Variants in SLC22A23 observed in about 807,000 individuals in gnomAD.
The protein encoded by SLC22A23 is ion transporter protein.
Under a neutral mutation model 61.0 loss-of-function variants are expected in SLC22A23, and 26 were observed. The ratio of observed to expected loss-of-function variants is 0.43; its 90% CI spans 0.31 to 0.59. The LOEUF (loss-of-function observed/expected upper bound fraction) is 0.59, where lower values mean the gene tolerates loss of function less well. Among genes scored for constraint, SLC22A23 ranks in the 20% least tolerant of loss-of-function variants. The probability of loss-of-function intolerance (pLI) is 0.11; values close to 1 mark genes in which losing one functional copy is unlikely to be tolerated. For missense variants in SLC22A23, 796 were observed against 934.7 expected, an observed-to-expected ratio of 0.85 and a Z score of 1.94; for synonymous variants, 430 against 413.9, an observed-to-expected ratio of 1.04 and a Z score of -0.47.
chr6:3,428,248 C>T (rs749481923), intron 1 of SLC22A23, among the ~76,000 whole-genome samples: 5 of 152,218 alleles, frequency 3.3e-5, no homozygotes, highest in Admixed American at 1.3e-4. Flanking sequence ...AGTCTCTTAT[C>T]AGAGACCTTC....
intron 3 of SLC22A23, among the ~76,000 whole-genome samples, chr6:3,389,028 G>T (rs1296000533): frequency 6.6e-6 from 1 of 152,056 alleles, no homozygotes; most frequent in Non-Finnish European, 1.5e-5. Flanking sequence ...AGCACTTTGG[G>T]AGGCTGCGGC....
intron 9 of SLC22A23, chr6:3,276,832 G>T (rs994108722): frequency 6.6e-6 from 1 of 152,264 alleles, no homozygotes; most frequent in Non-Finnish European, 1.5e-5. Context: ...AAAAGAGCCA[G>T]CCCAAAGTGA....
At position 3,324,218 on chromosome 6, in the gene SLC22A23, A is replaced by C; in HGVS notation, c.914-216T>G. 1 of 584,818 alleles carries C rather than the reference A, an allele frequency of 1.7e-6. No homozygotes were observed. Among genetic ancestry groups the C allele is most frequent in the Non-Finnish European group, 3.0e-6 (1 of 330,556 alleles). 36.2% of individuals were successfully genotyped at this position (584,818 alleles called of 1,614,324 possible). ...AAGTGAGACGGTTGTTCAAGGCCAC[A>C]GGGCTAGTCGATGACGAAGGGATGC... On this transcript the variant is annotated intron_variant, in intron 3 of 9. Coordinates refer to ENST00000406686, the MANE Select transcript of SLC22A23 (RefSeq NM_015482.2). This position sits in a 1 kb window ranked among gnomAD's most constrained non-coding sequence, Gnocchi z 4.3.
At chr6:3,441,702 G>A (rs759868670) in intron 1 of SLC22A23, among the ~76,000 whole-genome samples, 4 of 152,116 alleles carry the variant, frequency 2.6e-5, no homozygotes, top group Admixed American at 6.5e-5. Flanking sequence ...GGATGTGCTC[G>A]GTTCACCCCC....
intron 5 of SLC22A23, among the ~76,000 whole-genome samples, chr6:3,294,257 T>C (rs1044642338): frequency 3.9e-5 from 6 of 152,040 alleles, no homozygotes; most frequent in Admixed American, 1.3e-4. Context: ...GACTTTTTGC[T>C]TATCTTACTA....
intron 3 of SLC22A23, among the ~76,000 whole-genome samples, chr6:3,381,678 G>T (rs1414059324): frequency 2.6e-5 from 4 of 152,156 alleles, no homozygotes; most frequent in Non-Finnish European, 5.9e-5. Flanking sequence ...TCTGTGCGAG[G>T]GGGACAGTAG....
intron 1 of SLC22A23, among the ~76,000 whole-genome samples, chr6:3,431,941 A>T (rs1385781638): frequency 6.6e-6 from 1 of 152,216 alleles, no homozygotes; most frequent in African/African-American, 2.4e-5. Flanking sequence ...TGTTGGTTAC[A>T]TGACTGTCCT....
chr6:3,301,030 C>T (rs1482542785), intron 4 of SLC22A23, among the ~76,000 whole-genome samples: 1 of 152,080 alleles, frequency 6.6e-6, no homozygotes, highest in Non-Finnish European at 1.5e-5. Context: ...TTTTCCTGGC[C>T]TCTAGCTATA....
intron 9 of SLC22A23, chr6:3,282,267 A>T: frequency 1.4e-6 from 1 of 702,616 alleles, no homozygotes. Context: ...GGCCTGAGGT[A>T]TCCTGCAACT....
In SLC22A23 at chr6:3,330,983, G is replaced by A. The variant is rs1450876377; in HGVS notation, c.914-6981C>T. 2.6e-5 allele frequency among the ~76,000 whole-genome samples: 4 copies of A among 152,208 alleles called. No homozygotes were observed. Among genetic ancestry groups the A allele is most frequent in the East Asian group, 1.9e-4 (1 of 5,202 alleles). ...ACCTATCATGTCTGCACTACTAGGC[G>A]AAGTAACAGCTCTCACTTGCTGAAA... On this transcript the variant is annotated intron_variant, in intron 3 of 9. Transcript: ENST00000406686. The surrounding 1 kb of genome is among the most constrained non-coding windows in gnomAD (Gnocchi z 4.7).
intron 9 of SLC22A23, among the ~76,000 whole-genome samples, chr6:3,279,615 C>A (rs1277936378): frequency 7.3e-6 from 1 of 137,702 alleles, no homozygotes; most frequent in Non-Finnish European, 1.6e-5. Context: ...TTTTTTTTCT[C>A]TCTTGAAATC....
At chr6:3,325,558 ACT>A (rs1763228096) in intron 3 of SLC22A23, among the ~76,000 whole-genome samples, 1 of 152,162 alleles carries the variant, frequency 6.6e-6, no homozygotes, top group African/African-American at 2.4e-5. Flanking sequence ...TAAATGGCTC[ACT>A]CTCAGCCATT....
chr6:3,292,083 A>G (rs6421940), intron 5 of SLC22A23: 1 of 152,050 alleles, frequency 6.6e-6, no homozygotes, highest in Admixed American at 6.6e-5. Flanking sequence ...AAGCACATGA[A>G]GCGCTTCCTC....
At position 3,415,942 on chromosome 6, in the gene SLC22A23, G is replaced by A. The variant is rs955524092; in HGVS notation, c.655-87C>T. 4 of 950,138 alleles carry A rather than the reference G, an allele frequency of 4.2e-6. No homozygotes were observed. The Admixed American group carries it at 6.3e-5, about 15-fold the overall frequency. 58.9% of individuals were successfully genotyped at this position (950,138 alleles called of 1,614,324 possible). ...ATTATAAGGGCAATACAATAACCCT[G>A]CAGGGACCACCGCACCGTTGCCAGT... On this transcript the variant is annotated intron_variant, in intron 1 of 9. Coordinates refer to ENST00000406686, the MANE Select transcript of SLC22A23 (RefSeq NM_015482.2).
At chr6:3,279,509 CAAAAA>C (rs10642564) in intron 9 of SLC22A23, among the ~76,000 whole-genome samples, 670 of 36,012 alleles carry the variant, frequency 0.019, 11 homozygotes, top group African/African-American at 0.044. Context: ...GGCTCCGTCT[CAAAAA>C]AAAAAAAAAA....
At chr6:3,385,684 T>C (rs759672438) in intron 3 of SLC22A23, among the ~76,000 whole-genome samples, 1 of 152,178 alleles carries the variant, frequency 6.6e-6, no homozygotes, top group Non-Finnish European at 1.5e-5. Context: ...TGAGTTCCCT[T>C]ACAAGTCTGG....
rs142186942 is a variant in SLC22A23 at position 3,442,837 on chromosome 6, A to G, written c.654+13069T>C. ...TATTTAAAAAAAAAAAACACCTGAT[A>G]AACACTTAACTAGCATTCCTACGAC... On this transcript the variant is annotated intron_variant, in intron 1 of 9. Transcript: ENST00000406686. 2.9e-3 allele frequency among the ~76,000 whole-genome samples: 441 copies of G among 152,222 alleles called. 3 individuals carry two copies. Among genetic ancestry groups the G allele is most frequent in the Middle Eastern group, 0.02 (6 of 294 alleles).
At chr6:3,439,697 T>A (rs1771464044) in intron 1 of SLC22A23, among the ~76,000 whole-genome samples, 1 of 152,144 alleles carries the variant, frequency 6.6e-6, no homozygotes, top group Non-Finnish European at 1.5e-5. Context: ...TTTCGCCACC[T>A]CCTTACTGGC....
At chr6:3,319,815 A>G (rs555269985) in intron 4 of SLC22A23, among the ~76,000 whole-genome samples, 79 of 152,304 alleles carry the variant, frequency 5.2e-4, no homozygotes, top group Non-Finnish European at 6.5e-4. Context: ...GAGGGGTCCA[A>G]TGAGCTTCCC....
Sources: gnomAD v4.1 joint callset for allele counts (sites outside exome capture counted in the v4.1 genomes callset) on GRCh38, gnomAD v4.1.1 for gene constraint, Gnocchi (gnomAD v3.1) non-coding constraint, MANE v1.5 for transcripts, NCBI Gene and HGNC (gene_info 2026-07-23, HGNC 2026-07-21) for gene names.